The following ADK variants were observed in gnomAD, a reference collection of about 807,000 sequenced individuals.
The protein encoded by ADK is adenosine kinase.
Under a neutral mutation model 44.7 loss-of-function variants are expected in ADK, and 24 were observed. That is an observed-to-expected ratio of 0.54 (90% CI 0.39 to 0.76). ADK has a LOEUF of 0.76. Among genes scored for constraint, ADK ranks in the 30% least tolerant of loss-of-function variants. The probability of loss-of-function intolerance (pLI) is 0.00; values close to 1 mark genes in which losing one functional copy is unlikely to be tolerated. For synonymous variants in ADK, 128 were observed against 142.6 expected, an observed-to-expected ratio of 0.90 and a Z score of 0.73; for missense variants, 321 against 425.1, an observed-to-expected ratio of 0.76 and a Z score of 2.15.
At chr10:74,274,732 G>GTATATATATATATATA (rs754929114) in intron 3 of ADK, among the ~76,000 whole-genome samples, 6,030 of 83,810 alleles carry the variant, frequency 0.072, 575 homozygotes, top group Middle Eastern at 0.18. Context: ...TTTAATGTGT[G>GTATATATATATATATA]TATATATATA....
chr10:74,250,034 C>T (rs1222788069), intron 3 of ADK, among the ~76,000 whole-genome samples: 1 of 152,046 alleles, frequency 6.6e-6, no homozygotes. Context: ...AGACTTATTG[C>T]GCCACTCTCT....
At position 74,623,897 on chromosome 10, in the gene ADK, A is replaced by G. The variant is rs545895834; in HGVS notation, c.877+23404A>G. On this transcript the variant is annotated intron_variant, in intron 9 of 10. Coordinates refer to ENST00000539909, the MANE Select transcript of ADK (RefSeq NM_006721.4). ...TTTCAGAATAATTATTGTTTGTACCAGTGAGTATTTCTTTCAGAAATTCAA... is the reference window on the plus strand; with the variant it reads ...TTTCAGAATAATTATTGTTTGTACCGGTGAGTATTTCTTTCAGAAATTCAA... Among the ~76,000 whole-genome samples the G allele has an allele frequency of 3.3e-5, 5 of 152,234 alleles. No homozygotes were observed. In the South Asian group the frequency reaches 1.0e-3, roughly 32 times the overall value.
chr10:74,574,129 G>A (rs1197627725), intron 7 of ADK, among the ~76,000 whole-genome samples: 1 of 149,972 alleles, frequency 6.7e-6, no homozygotes, highest in African/African-American at 2.5e-5. Context: ...GACTGGAGCT[G>A]TTCCCATTTG....
At chr10:74,228,325 A>G (rs1055410087) in intron 3 of ADK, among the ~76,000 whole-genome samples, 1 of 152,220 alleles carries the variant, frequency 6.6e-6, no homozygotes, top group African/African-American at 2.4e-5. Context: ...TTAAGTAGAG[A>G]AAGCTGAGCA....
intron 1 of ADK, among the ~76,000 whole-genome samples, chr10:74,196,846 G>A (rs1843172091): frequency 6.6e-6 from 1 of 152,086 alleles, no homozygotes; most frequent in African/African-American, 2.4e-5. Flanking sequence ...CAAAACAACA[G>A]AAAAGTTCAG....
chr10:74,601,896 C>A, intron 9 of ADK, among the ~76,000 whole-genome samples: 2 of 142,304 alleles, frequency 1.4e-5, no homozygotes, highest in Admixed American at 7.1e-5. Context: ...AGTTGGAGAC[C>A]AGCCTTGGTA....
rs775224013 is a variant in ADK at position 74,383,408 on chromosome 10, G to GTCTCTGTCTCTC, written c.274-10728_274-10727insGTCTCTCTCTCT. On this transcript the variant is annotated intron_variant, in intron 4 of 10. Transcript: ENST00000539909. Reference sequence around the variant, plus strand: ...TCTGTCTGTCTCTGTCTCTGTCTCTGTCTCTCTCTCTCTCTCTCTTTCTCG... The same window carrying GTCTCTGTCTCTC: ...TCTGTCTGTCTCTGTCTCTGTCTCTGTCTCTGTCTCTCTCTCTCTCTCTCTCTCTCTTTCTCG... Among the ~76,000 whole-genome samples, 20 of 150,318 alleles carry GTCTCTGTCTCTC rather than the reference G, an allele frequency of 1.3e-4. No individual in the cohort carries two copies. The South Asian group carries it at 1.5e-3, about 11-fold the overall frequency.
chr10:74,703,702 A>G (rs1856509876), intron 10 of ADK, among the ~76,000 whole-genome samples: 1 of 152,240 alleles, frequency 6.6e-6, no homozygotes, highest in African/African-American at 2.4e-5. Context: ...AAATATGGAC[A>G]GTAGATTAGA....
chr10:74,174,262 C>T (rs749495626), intron 1 of ADK, among the ~76,000 whole-genome samples: 5 of 139,822 alleles, frequency 3.6e-5, no homozygotes, highest in Admixed American at 7.9e-5. Flanking sequence ...TGCAGTGAAC[C>T]GAGATCATGC....
chr10:74,345,527 T>C (rs1193929120), intron 4 of ADK, among the ~76,000 whole-genome samples: 3 of 152,148 alleles, frequency 2.0e-5, no homozygotes, highest in Non-Finnish European at 4.4e-5. Context: ...AGGCTGGTCT[T>C]GAACTCCTGG....
intron 9 of ADK, among the ~76,000 whole-genome samples, chr10:74,666,992 A>G (rs977872728): frequency 6.6e-6 from 1 of 151,756 alleles, no homozygotes; most frequent in African/African-American, 2.4e-5. Flanking sequence ...CACCATGCCC[A>G]ACTAATTCTT....
chr10:74,204,970 G>A (rs1843534715), intron 2 of ADK, among the ~76,000 whole-genome samples: 1 of 146,436 alleles, frequency 6.8e-6, no homozygotes, highest in Admixed American at 7.0e-5. Flanking sequence ...AACCCGGGAG[G>A]CAGAGGTTGC....
intron 1 of ADK, among the ~76,000 whole-genome samples, chr10:74,166,702 GA>G (rs11312116): frequency 0.54 from 76,256 of 140,046 alleles, 21,108 homozygotes; most frequent in Middle Eastern, 0.63. Context: ...AAAAAAAAAA[GA>G]AAAAAAAAAA....
chr10:74,342,779 TTGTGTGTGTG>T (rs757212421), intron 4 of ADK, among the ~76,000 whole-genome samples: 7 of 141,424 alleles, frequency 4.9e-5, no homozygotes, highest in Non-Finnish European at 7.7e-5. Context: ...CTAGCTCAGT[TTGTGTGTGTG>T]TGTGTGTGTG....
At chr10:74,456,520 A>G (rs1845949609) in intron 6 of ADK, among the ~76,000 whole-genome samples, 1 of 151,920 alleles carries the variant, frequency 6.6e-6, no homozygotes, top group African/African-American at 2.4e-5. Flanking sequence ...TAGAAAAATT[A>G]GCCGGGCGTG....
At chr10:74,480,229 T>TC (rs1554865900) in intron 6 of ADK, among the ~76,000 whole-genome samples, 24 of 142,654 alleles carry the variant, frequency 1.7e-4, no homozygotes, top group South Asian at 2.2e-4. Context: ...TTTCTTTCTT[T>TC]TTTTTTTTTT....
chr10:74,188,651 C>T (rs1377603183), intron 1 of ADK, among the ~76,000 whole-genome samples: 1 of 152,058 alleles, frequency 6.6e-6, no homozygotes, highest in Non-Finnish European at 1.5e-5. Context: ...TGCGCCCGGC[C>T]ACCTTGCTCT....
rs367597107 is a variant in ADK at position 74,511,451 on chromosome 10, T to G, written c.556-13805T>G. ...ACTGAATCTATAGATGTCTTTCCAT[T>G]TATTTGTATGCACTTCAATTTCTTT... On this transcript the variant is annotated intron_variant, in intron 6 of 10. Transcript: ENST00000539909. 1.7e-4 allele frequency among the ~76,000 whole-genome samples: 26 copies of G among 152,262 alleles called. 1 individual carries two copies. In the East Asian group the frequency reaches 2.3e-3, roughly 14 times the overall value.
chr10:74,355,019 GT>G (rs1342346896), intron 4 of ADK, among the ~76,000 whole-genome samples: 1 of 152,134 alleles, frequency 6.6e-6, no homozygotes, highest in African/African-American at 2.4e-5. Context: ...ACTGGGGTCA[GT>G]TTTTTTCCCC....
Sources: allele counts gnomAD v4.1 joint callset (sites outside exome capture counted in the v4.1 genomes callset), GRCh38; gene constraint gnomAD v4.1.1; transcripts MANE v1.5; gene names NCBI Gene and HGNC (gene_info 2026-07-23, HGNC 2026-07-21).